The following DDAH1 variants were observed in gnomAD, a reference collection of about 807,000 sequenced individuals.
The protein encoded by DDAH1 is N(G),N(G)-dimethylarginine dimethylaminohydrolase 1.
A neutral mutation model predicts 28.8 loss-of-function variants in DDAH1; 19 were observed. That is an observed-to-expected ratio of 0.66 (90% confidence interval 0.46 to 0.97). The LOEUF (loss-of-function observed/expected upper bound fraction) is 0.97, where lower values mean the gene tolerates loss of function less well. DDAH1 is among the 50% of genes least tolerant of loss of function. The probability of loss-of-function intolerance (pLI) is 0.00; values close to 1 mark genes in which losing one functional copy is unlikely to be tolerated. For synonymous variants in DDAH1, 153 were observed against 154.4 expected, an observed-to-expected ratio of 0.99 and a Z score of 0.07; for missense variants, 326 against 375.9, an observed-to-expected ratio of 0.87 and a Z score of 1.10.
intron 1 of DDAH1, among the ~76,000 whole-genome samples, chr1:85,410,840 G>C (rs1210751340): frequency 6.6e-6 from 1 of 152,186 alleles, no homozygotes; most frequent in Non-Finnish European, 1.5e-5. Flanking sequence ...TTCCCTGCTA[G>C]AATGCCAAAG....
chr1:85,368,559 C>T (rs116360326), intron 1 of DDAH1, among the ~76,000 whole-genome samples: 4,856 of 152,174 alleles, frequency 0.032, 265 homozygotes, highest in African/African-American at 0.11. Context: ...CTAATTCAAG[C>T]GGTTCAATTC....
At chr1:85,507,635 C>A (rs1358761236) in intron 1 of DDAH1, among the ~76,000 whole-genome samples, 1 of 151,786 alleles carries the variant, frequency 6.6e-6, no homozygotes, top group African/African-American at 2.4e-5. Context: ...TCATATAATA[C>A]CCATGTTATT....
At chr1:85,441,459 A>G (rs1654188758) in intron 1 of DDAH1, among the ~76,000 whole-genome samples, 1 of 152,024 alleles carries the variant, frequency 6.6e-6, no homozygotes, top group Non-Finnish European at 1.5e-5. Flanking sequence ...GAAAATCACC[A>G]GAACCCAGGA....
chr1:85,508,572 G>A (rs1452731799), intron 1 of DDAH1, among the ~76,000 whole-genome samples: 5 of 152,246 alleles, frequency 3.3e-5, no homozygotes, highest in African/African-American at 7.2e-5. Context: ...CTAGCCAAGG[G>A]AAGCCCTGAT....
At chr1:85,480,903 T>C (rs1263611196) in intron 2 of DDAH1, among the ~76,000 whole-genome samples, 2 of 151,882 alleles carry the variant, frequency 1.3e-5, no homozygotes, top group African/African-American at 4.8e-5. Context: ...TTGAAAATAA[T>C]GTTTTAGTAT....
chr1:85,454,074 C>A (rs1654777533), intron 1 of DDAH1, among the ~76,000 whole-genome samples: 1 of 152,084 alleles, frequency 6.6e-6, no homozygotes, highest in Admixed American at 6.6e-5. Flanking sequence ...CTACTGGGTA[C>A]AACCCCTGGC....
intron 1 of DDAH1, among the ~76,000 whole-genome samples, chr1:85,437,865 A>G (rs1654012964): frequency 6.6e-6 from 1 of 152,182 alleles, no homozygotes; most frequent in South Asian, 2.1e-4. Context: ...CTTATTTCTC[A>G]CAACAAATCT....
At chr1:85,453,445 A>C (rs972820676) in intron 1 of DDAH1, among the ~76,000 whole-genome samples, 2 of 152,150 alleles carry the variant, frequency 1.3e-5, no homozygotes, top group Non-Finnish European at 2.9e-5. Context: ...TCACAGCCAC[A>C]CACTGTTTGC....
intron 1 of DDAH1, among the ~76,000 whole-genome samples, chr1:85,573,751 T>C (rs529799886): frequency 1.3e-5 from 2 of 152,350 alleles, no homozygotes; most frequent in South Asian, 4.1e-4. Context: ...AGAAAATTTG[T>C]AAAAAGCCAA....
chr1:85,461,036 C>T (rs1359077615), intron 1 of DDAH1, among the ~76,000 whole-genome samples: 1 of 152,048 alleles, frequency 6.6e-6, no homozygotes, highest in African/African-American at 2.4e-5. Flanking sequence ...GATTGTTGAG[C>T]CCAGAAGTTC....
chr1:85,442,676 C>A lies in DDAH1; in HGVS notation c.303+22067G>T, dbSNP rs190771288. Among the ~76,000 whole-genome samples the A allele has an allele frequency of 8.5e-3, 1,293 of 152,262 alleles. 12 individuals are homozygous for A. The highest frequency in any genetic ancestry group is 0.014 in the Middle Eastern group (4 of 294). On this transcript the variant is annotated intron_variant, in intron 1 of 5. Transcript: ENST00000284031. ...TAAAAGTGTTCCTATTTCTCCACAT[C>A]CTCTCCAGCACCTGTTGTTTCCTGA...
chr1:85,480,465 G>T (rs1655968209), intron 2 of DDAH1, among the ~76,000 whole-genome samples: 1 of 152,150 alleles, frequency 6.6e-6, no homozygotes, highest in African/African-American at 2.4e-5. Context: ...TCAGGAACAG[G>T]CAGGTGCGGT....
chr1:85,506,549 C>T (rs555225684), intron 1 of DDAH1, among the ~76,000 whole-genome samples: 151 of 152,314 alleles, frequency 9.9e-4, no homozygotes, highest in African/African-American at 3.4e-3. Context: ...GGCTCCTGAT[C>T]CCCAGTCCAC....
At chr1:85,418,964 A>G (rs989135704) in intron 1 of DDAH1, among the ~76,000 whole-genome samples, 6 of 152,178 alleles carry the variant, frequency 3.9e-5, no homozygotes, top group Non-Finnish European at 8.8e-5. Context: ...CTGCATTACA[A>G]GAGGGAAAGA....
At chr1:85,360,148 A>G (rs1267733191) in intron 1 of DDAH1, among the ~76,000 whole-genome samples, 1 of 152,240 alleles carries the variant, frequency 6.6e-6, no homozygotes, top group East Asian at 1.9e-4. Context: ...AGTTACTTCT[A>G]AAGTAATAAA....
chr1:85,566,604 A>C (rs956703661), intron 1 of DDAH1, among the ~76,000 whole-genome samples: 1 of 152,184 alleles, frequency 6.6e-6, no homozygotes, highest in African/African-American at 2.4e-5. Flanking sequence ...AGACACAAGT[A>C]GGTTAAAAGC....
At chr1:85,341,568 C>A (rs1000062852) in intron 4 of DDAH1, among the ~76,000 whole-genome samples, 5 of 152,190 alleles carry the variant, frequency 3.3e-5, no homozygotes, top group Admixed American at 6.5e-5. Flanking sequence ...GTAATCCCAG[C>A]ACTTTGGGAG....
chr1:85,572,840 A>C (rs1348554582), intron 1 of DDAH1, among the ~76,000 whole-genome samples: 2 of 152,250 alleles, frequency 1.3e-5, no homozygotes. Context: ...GTGCCATGAG[A>C]GGTAAGCCCA....
At position 85,464,624 on chromosome 1, in the gene DDAH1, G is replaced by A. The variant is rs1255352612; in HGVS notation, c.303+119C>T. On this transcript the variant is annotated intron_variant, in intron 1 of 5. Coordinates refer to ENST00000284031, the MANE Select transcript of DDAH1 (RefSeq NM_012137.4). The surrounding 1 kb of genome is among the most constrained non-coding windows in gnomAD (Gnocchi z 4.4). ...CACACACACACACTCGCCCCCCGAC[G>A]GGAAGTTGTGAACTACTAGCCCGAG... The A allele has an allele frequency of 4.0e-6, 6 of 1,512,952 alleles. No individual in the cohort carries two copies. In the African/African-American group the frequency reaches 4.1e-5, roughly 10 times the overall value. 93.7% of individuals were successfully genotyped at this position (1,512,952 alleles called of 1,614,324 possible). A position where few individuals can be genotyped will look rare whatever the true frequency, so the allele number is the denominator to read the frequency against.
Sources: gnomAD v4.1 joint callset for allele counts (sites outside exome capture counted in the v4.1 genomes callset) on GRCh38, gnomAD v4.1.1 for gene constraint, Gnocchi (gnomAD v3.1) non-coding constraint, MANE v1.5 for transcripts, NCBI Gene and HGNC (gene_info 2026-07-23, HGNC 2026-07-21) for gene names.